MLIP: variants seen among roughly 807,000 people sequenced by gnomAD.
MLIP encodes muscular LMNA interacting protein, also known as muscular LMNA-interacting protein.
MLIP carries 79 observed loss-of-function variants against 84.8 expected under a neutral mutation model. The observed-to-expected ratio is 0.93, with a 90% CI of 0.78 to 1.12. MLIP has a LOEUF of 1.12. Among genes scored for constraint, MLIP ranks in the 50% most tolerant of loss-of-function variants. MLIP has a pLI of 0.00. For synonymous variants in MLIP, 504 were observed against 463.0 expected (o/e 1.09, Z -1.14); for missense variants, 1,257 against 1,160.6 (o/e 1.08, Z -1.21).
At chr6:54,215,072 G>T in intron 11 of MLIP, 8 of 1,159,160 alleles carry the variant, frequency 6.9e-6, no homozygotes, top group Admixed American at 2.1e-5. Context: ...CTGCCTTTTT[G>T]CTCCTATTTG....
chr6:54,253,764 A>G (rs1199149828), intron 12 of MLIP, among the ~76,000 whole-genome samples: 1 of 152,126 alleles, frequency 6.6e-6, no homozygotes, highest in Non-Finnish European at 1.5e-5. Flanking sequence ...GCTGTGACCA[A>G]AAGTGTAATA....
intron 11 of MLIP, among the ~76,000 whole-genome samples, chr6:54,227,764 A>T (rs1780679388): frequency 6.6e-6 from 1 of 152,230 alleles, no homozygotes; most frequent in African/African-American, 2.4e-5. Context: ...AGTAGAAGAA[A>T]GTCAGTTTTC....
chr6:54,157,902 A>G (rs1407237), intron 5 of MLIP, among the ~76,000 whole-genome samples: 69,166 of 151,994 alleles, frequency 0.46, 17,735 homozygotes, highest in African/African-American at 0.7. Context: ...TTTTTATTAG[A>G]TTATCATAAC....
At chr6:54,198,174 T>C (rs1399882157) in intron 10 of MLIP, among the ~76,000 whole-genome samples, 2 of 152,084 alleles carry the variant, frequency 1.3e-5, no homozygotes, top group African/African-American at 4.8e-5. Context: ...GCTTAGGGAT[T>C]TGTAAAAATG....
chr6:54,154,063 T>TA (rs763511095), intron 5 of MLIP, among the ~76,000 whole-genome samples: 114 of 152,186 alleles, frequency 7.5e-4, no homozygotes, highest in Non-Finnish European at 1.4e-3. Flanking sequence ...GTGCATAATT[T>TA]AAAAAAATTA....
In MLIP at chr6:54,138,089, C is replaced by T; in HGVS notation, c.2020C>T (p.Leu674Phe). Residue 674 changes from leucine to phenylalanine, a missense_variant, in exon 4 of 14, where the codon CTC (leucine) becomes TTC (phenylalanine). Transcript: ENST00000502396. ...CAATCTGCCCACCCTGGTGCCCCAG[C>T]TCAGTCCCTCAGCTCTGCACCCACA... Reference protein sequence around the residue: ...HANLPTLVPQLSPSALHPHCG... With the variant: ...HANLPTLVPQFSPSALHPHCG... The T allele has an allele frequency of 6.5e-7, 1 of 1,536,150 alleles. No individual in the cohort carries two copies. The highest frequency in any genetic ancestry group is 8.7e-7 in the Non-Finnish European group (1 of 1,146,902).
At chr6:54,088,488 C>T (rs1462156957) in intron 1 of MLIP, among the ~76,000 whole-genome samples, 1 of 152,144 alleles carries the variant, frequency 6.6e-6, no homozygotes, top group South Asian at 2.1e-4. Context: ...GTCCCTCATC[C>T]CCATATCTCT....
chr6:54,208,059 A>C (rs1436290760), intron 11 of MLIP, among the ~76,000 whole-genome samples: 1 of 150,666 alleles, frequency 6.6e-6, no homozygotes, highest in Non-Finnish European at 1.5e-5. Context: ...ACCCAGTAGG[A>C]GGAGCTTGCA....
intron 11 of MLIP, chr6:54,216,614 T>C: frequency 1.0e-6 from 1 of 970,866 alleles, no homozygotes; most frequent in Non-Finnish European, 1.2e-6. Flanking sequence ...AATCTTTTTT[T>C]ATATAGAGGA....
intron 1 of MLIP, among the ~76,000 whole-genome samples, chr6:54,117,012 T>C (rs1203619155): frequency 6.6e-6 from 1 of 152,164 alleles, no homozygotes; most frequent in Non-Finnish European, 1.5e-5. Flanking sequence ...ATTACTTCAA[T>C]AGACGCAGAA....
In MLIP at chr6:54,065,691, T is replaced by G. The variant is rs1766198990; in HGVS notation, c.63+46600T>G. Among the ~76,000 whole-genome samples, 6 of 98,764 alleles carry G rather than the reference T, an allele frequency of 6.1e-5. 3 individuals are homozygous for G. The highest frequency in any genetic ancestry group is 1.7e-4 in the Non-Finnish European group (6 of 34,678). 64.8% of individuals were successfully genotyped at this position (98,764 alleles called of 152,430 possible). ...TGGATTTTGGTTCCCTCCACTCTCT[T>G]GTGTTTCCAGCTATTTTTCCCATGG... On this transcript the variant is annotated intron_variant, in intron 1 of 12. Coordinates refer to the MLIP transcript ENST00000274897.
At chr6:54,259,364 ATTTC>A (rs1312658189) in intron 13 of MLIP, among the ~76,000 whole-genome samples, 1 of 151,914 alleles carries the variant, frequency 6.6e-6, no homozygotes, top group Non-Finnish European at 1.5e-5. Context: ...GAAACTTTGT[ATTTC>A]TTTCAAATAC....
At chr6:54,207,707 A>G (rs1418870656) in intron 11 of MLIP, among the ~76,000 whole-genome samples, 2 of 152,178 alleles carry the variant, frequency 1.3e-5, no homozygotes, top group African/African-American at 4.8e-5. Context: ...TTAATATCCC[A>G]ATTTACTAGG....
At chr6:54,218,988 G>T (rs1435715499) in intron 11 of MLIP, among the ~76,000 whole-genome samples, 2 of 148,876 alleles carry the variant, frequency 1.3e-5, no homozygotes, top group African/African-American at 5.1e-5. Context: ...CGGATCATGA[G>T]GTCAGGAGAT....
chr6:54,141,680 C>T (rs879797947), intron 4 of MLIP, among the ~76,000 whole-genome samples: 1 of 152,050 alleles, frequency 6.6e-6, no homozygotes, highest in Non-Finnish European at 1.5e-5. Context: ...ACAAAATTCA[C>T]CCATGGAGTT....
chr6:54,141,759 G>A (rs1314154524), intron 4 of MLIP, among the ~76,000 whole-genome samples: 1 of 152,114 alleles, frequency 6.6e-6, no homozygotes, highest in Non-Finnish European at 1.5e-5. Flanking sequence ...TAGTGAATTA[G>A]TATGGTGGTC....
intron 4 of MLIP, among the ~76,000 whole-genome samples, chr6:54,145,172 A>T (rs1382884370): frequency 6.6e-6 from 1 of 152,204 alleles, no homozygotes; most frequent in Admixed American, 6.5e-5. Flanking sequence ...ACCTCCTATG[A>T]TTAGCTAATG....
At chr6:54,054,472 T>C (rs1765539622) in intron 1 of MLIP, among the ~76,000 whole-genome samples, 1 of 150,260 alleles carries the variant, frequency 6.7e-6, no homozygotes, top group Non-Finnish European at 1.5e-5. Flanking sequence ...TGAGATTCAG[T>C]ACTGTATCGG....
At position 54,137,512 on chromosome 6, in the gene MLIP, C is replaced by G. The variant is rs1771920265; in HGVS notation, c.1443C>G (p.Leu481=). The G allele has an allele frequency of 1.3e-6, 2 of 1,535,982 alleles. No homozygotes were observed. Among genetic ancestry groups the G allele is most frequent in the African/African-American group, 2.7e-5 (2 of 73,044 alleles). Residue 481 remains leucine (L), a synonymous_variant, in exon 4 of 14, where the codon CTC becomes CTG. Transcript: ENST00000502396. ...CCGGGTCACCAGATCAAGGGGAACT[C>G]CAGGTTTCTGAATTGACCCAGCAAT... ...LRAGSPDQGE[L]QVSELTQQSF... is the part of the protein sequence containing the mutation.
Sources: allele counts gnomAD v4.1 joint callset (sites outside exome capture counted in the v4.1 genomes callset), GRCh38; gene constraint gnomAD v4.1.1; transcripts MANE v1.5; gene names NCBI Gene and HGNC (gene_info 2026-07-23, HGNC 2026-07-21).